Variants in SCT observed in about 807,000 individuals in gnomAD.
SCT encodes prepro-secretin.
SCT carries 17 observed loss-of-function variants against 10.9 expected under a neutral mutation model. The observed-to-expected ratio is 1.55, with a 90% confidence interval of 1.06 to 2.33. The LOEUF (loss-of-function observed/expected upper bound fraction) is 2.33. Among genes scored for constraint, SCT ranks in the 30% most tolerant of loss-of-function variants. The probability of loss-of-function intolerance (pLI) is 0.00; values close to 1 mark genes in which losing one functional copy is unlikely to be tolerated. For synonymous variants in SCT, 96 were observed against 73.9 expected (o/e 1.30, Z -1.54); for missense variants, 230 against 165.9 (o/e 1.39, Z -2.12).
chr11:627,106 A>C lies in SCT; in HGVS notation c.38T>G (p.Leu13Arg). The change falls in exon 1 of 4, where the codon CTC becomes CGC. Residue 13 changes from leucine (L) to arginine (R), a missense_variant. Physicochemically the swap from Leu to Arg is moderately radical, Grantham distance 102 (BLOSUM62 -2). Coordinates refer to ENST00000176195, the MANE Select transcript of SCT (RefSeq NM_021920.4). ...CGCGGGGCGCGCGGCGGAGCCCCCG[A>C]GGAGCAGCAGCAGCAGCAGGAGGGG... ...PRPLLLLLLL[L>R]GGSAARPAPP... 9.5e-7 allele frequency: 1 copy of C among 1,054,108 alleles called. No individual in the cohort carries two copies. Among genetic ancestry groups the C allele is most frequent in the Non-Finnish European group, 1.2e-6 (1 of 860,036 alleles). The allele number at this position is 1,054,108 out of a possible 1,614,324, so 65.3% of individuals were successfully genotyped here.
chr11:626,936 TC>T lies in SCT; in HGVS notation c.124del (p.Glu42ArgfsTer115). On this transcript the variant is annotated frameshift_variant, in exon 2 of 4. Coordinates refer to ENST00000176195, the MANE Select transcript of SCT (RefSeq NM_021920.4). LOFTEE classifies it high-confidence loss of function. ...TFTSELSRLR[E>X]GARLQRLLQG... ...TAGCAGCCGCTGGAGCCGCGCGCCC[TC>T]CCGCAGGCGGCTGAGCTCGCTGGTG... The T allele has an allele frequency of 6.8e-7, 1 of 1,480,330 alleles. No individual in the cohort carries two copies. The allele number at this position is 1,480,330 out of a possible 1,614,324, so 91.7% of individuals were successfully genotyped here.
chr11:626,570 G>A (rs1027756477), intron 3 of SCT, 40 bp from the exon 4 acceptor site: 2 of 1,509,776 alleles, frequency 1.3e-6, no homozygotes, highest in Non-Finnish European at 1.8e-6. Flanking sequence ...GCTGGGGCTG[G>A]AGACCCCGGC....
chr11:626,623 C>T, intron 3 of SCT, 74 bp downstream of exon 3: 1 of 1,479,962 alleles, frequency 6.8e-7, no homozygotes, highest in Non-Finnish European at 9.2e-7. Flanking sequence ...CAGCGCTGAC[C>T]CGGGGAGGCC....
Position 626,997 on chromosome 11 carries a change from CGGTCGGG to C in SCT, c.72-15_72-9del, listed in dbSNP as rs1564906742. ...TCTGAGTGTCGCCGGGCCCTGCGGG[CGGTCGGG>C]GGTCGGGGTCAGGGCGCACTGGGGG... On this transcript the variant is annotated splice_polypyrimidine_tract_variant and intron_variant, in intron 1 of 3. Coordinates refer to ENST00000176195, the MANE Select transcript of SCT (RefSeq NM_021920.4). The C allele has an allele frequency of 3.1e-6, 3 of 954,402 alleles. No homozygotes were observed. In the Admixed American group the frequency reaches 7.3e-5, roughly 23 times the overall value. The allele number at this position is 954,402 out of a possible 1,614,324, so 59.1% of individuals were successfully genotyped here. A position where few individuals can be genotyped will look rare whatever the true frequency, so the allele number is the denominator to read the frequency against.
In SCT at chr11:626,717, G is replaced by T. The variant is rs1289117683; in HGVS notation, c.246C>A (p.Asn82Lys). 6.5e-7 allele frequency: 1 copy of T among 1,550,250 alleles called. No homozygotes were observed. ...CTCACCAGGCCTGCAGGATGGGCAT[G>T]TTGGACCCTGACGGGCAGAGCAGAC... ...SAGLLCPSGS[N>K]MPILQAWMPL... Residue 82 changes from asparagine (N) to lysine (K), a missense_variant, in exon 3 of 4, where the codon AAC (asparagine) becomes AAA (lysine). Physicochemically the swap from Asn to Lys is moderately conservative, Grantham distance 94. Coordinates refer to ENST00000176195, the MANE Select transcript of SCT (RefSeq NM_021920.4).
At chr11:626,836 C>T (rs1316165101) in intron 2 of SCT, 47 bp from the exon 3 acceptor site, 2 of 1,543,662 alleles carry the variant, frequency 1.3e-6, no homozygotes, top group Admixed American at 3.9e-5. Flanking sequence ...TGGGGGGTCG[C>T]GCGTTGCTGC....
chr11:627,025 G>A, intron 1 of SCT, 36 bp from the exon 2 acceptor site: 2 of 1,327,982 alleles, frequency 1.5e-6, no homozygotes. Context: ...AGGGCGCACT[G>A]GGGGCGGGTG....
chr11:627,076 G>GGGGGCGC lies in SCT; in HGVS notation c.61_67dup (p.Pro23ArgfsTer?), dbSNP rs1160165144. 48 of 1,143,454 alleles carry GGGGGCGC rather than the reference G, an allele frequency of 4.2e-5. No homozygotes were observed. The highest frequency in any genetic ancestry group is 3.3e-4 in the East Asian group (8 of 24,574). 70.8% of individuals were successfully genotyped at this position (1,143,454 alleles called of 1,614,324 possible). ...GCGGGCCTGGCGGGCGGCTCACCTG[G>GGGGGCGC]GGGGCGCGGGGCGCGCGGCGGAGCC... is the stretch of plus-strand genomic sequence containing the variant. On this transcript the variant is annotated frameshift_variant, in exon 1 of 4. Transcript: ENST00000176195. LOFTEE classifies it high-confidence loss of function.
At position 626,447 on chromosome 11, in the gene SCT, G is replaced by T. The variant is rs2133230802; in HGVS notation, c.350C>A (p.Thr117Asn). 3 of 1,553,548 alleles carry T rather than the reference G, an allele frequency of 1.9e-6. No homozygotes were observed. Among genetic ancestry groups the T allele is most frequent in the Non-Finnish European group, 2.6e-6 (3 of 1,148,054 alleles). Reference sequence around the variant, plus strand: ...GTTCCTTCCTCATCTGGGCCGCAAGGTTCCTTCTGCAGCAGCGCCAGCTGG... The same window carrying T: ...GTTCCTTCCTCATCTGGGCCGCAAGTTTCCTTCTGCAGCAGCGCCAGCTGG... ...SEPAGAAAEG[T>N]LRPR The change falls in exon 4 of 4, where the codon ACC becomes AAC. Residue 117 changes from threonine (T) to asparagine (N), a missense_variant. By Grantham distance (65) the Thr-to-Asn change is moderately conservative. Coordinates refer to ENST00000176195, the MANE Select transcript of SCT (RefSeq NM_021920.4).
Position 626,364 on chromosome 11 carries a change from C to T in SCT, c.*67G>A, listed in dbSNP as rs1214988351. 4 of 1,222,414 alleles carry T rather than the reference C, an allele frequency of 3.3e-6. No individual in the cohort carries two copies. The highest frequency in any genetic ancestry group is 1.5e-5 in the African/African-American group (1 of 66,314). The allele number at this position is 1,222,414 out of a possible 1,614,324, so 75.7% of individuals were successfully genotyped here. A position where few individuals can be genotyped will look rare whatever the true frequency, so the allele number is the denominator to read the frequency against. On this transcript the variant is annotated 3_prime_UTR_variant, in exon 4 of 4. Coordinates refer to ENST00000176195, the MANE Select transcript of SCT (RefSeq NM_021920.4). Reference sequence around the variant, plus strand: ...AAGTACCACCCCTCCCCCTCTCCCCCATCCTGCCCCCCACCCCAAATGCAG... The same window carrying T: ...AAGTACCACCCCTCCCCCTCTCCCCTATCCTGCCCCCCACCCCAAATGCAG...
chr11:627,084 G>A lies in SCT; in HGVS notation c.60C>T (p.Pro20=), dbSNP rs1857793871. 11 of 1,132,924 alleles carry A rather than the reference G, an allele frequency of 9.7e-6. No homozygotes were observed. Among genetic ancestry groups the A allele is most frequent in the Non-Finnish European group, 1.1e-5 (10 of 920,616 alleles). 70.2% of individuals were successfully genotyped at this position (1,132,924 alleles called of 1,614,324 possible). A position where few individuals can be genotyped will look rare whatever the true frequency, so the allele number is the denominator to read the frequency against. The part of the protein sequence containing the change: ...LLLLGGSAAR[P]APPRARRHSD... ...GGCGGGCGGCTCACCTGGGGGGCGC[G>A]GGGCGCGCGGCGGAGCCCCCGAGGA... Residue 20 remains proline (P), a synonymous_variant, in exon 1 of 4, where the codon CCC becomes CCT. Transcript: ENST00000176195.
chr11:626,574 C>A, intron 3 of SCT, 44 bp from the exon 4 acceptor site: 4 of 1,513,186 alleles, frequency 2.6e-6, no homozygotes, highest in Non-Finnish European at 3.6e-6. Flanking sequence ...GGGCTGGAGA[C>A]CCCGGCCCCG....
In SCT at chr11:627,061, C is replaced by A; in HGVS notation, c.71+12G>T. On this transcript the variant is annotated intron_variant, in intron 1 of 3. Transcript: ENST00000176195. The stretch of plus-strand genomic sequence containing the variant: ...GGGCCCGGGGGGCGGGCGGGCCTGG[C>A]GGGCGGCTCACCTGGGGGGCGCGGG... The A allele has an allele frequency of 8.4e-7, 1 of 1,194,518 alleles. No homozygotes were observed. The highest frequency in any genetic ancestry group is 1.0e-6 in the Non-Finnish European group (1 of 953,520). The allele number at this position is 1,194,518 out of a possible 1,614,324, so 74.0% of individuals were successfully genotyped here.
rs974259563 is a variant in SCT at position 626,743 on chromosome 11, C to T, written c.220G>A (p.Gly74Ser). 6 of 1,550,570 alleles carry T rather than the reference C, an allele frequency of 3.9e-6. No homozygotes were observed. The South Asian group carries it at 7.1e-5, about 18-fold the overall frequency. The change falls in exon 3 of 4, where the codon GGT becomes AGT. Residue 74 changes from glycine to serine, a missense_variant. Physicochemically the swap from Gly to Ser is moderately conservative, Grantham distance 56. Transcript: ENST00000176195. ...NSMAWTRLSA[G>S]LLCPSGSNMP... The stretch of plus-strand genomic sequence containing the variant: ...TTGGACCCTGACGGGCAGAGCAGAC[C>T]CGCGCTGAGCCTGGTCCAGGCCATG...
chr11:626,356 C>G lies in SCT; in HGVS notation c.*75G>C. Reference sequence around the variant, plus strand: ...TTGGTGCCAAGTACCACCCCTCCCCCTCTCCCCCATCCTGCCCCCCACCCC... The same window carrying G: ...TTGGTGCCAAGTACCACCCCTCCCCGTCTCCCCCATCCTGCCCCCCACCCC... On this transcript the variant is annotated 3_prime_UTR_variant, in exon 4 of 4. Coordinates refer to ENST00000176195, the MANE Select transcript of SCT (RefSeq NM_021920.4). 1 of 1,126,010 alleles carries G rather than the reference C, an allele frequency of 8.9e-7. No individual in the cohort carries two copies. The highest frequency in any genetic ancestry group is 1.3e-6 in the Non-Finnish European group (1 of 770,016). The allele number at this position is 1,126,010 out of a possible 1,614,324, so 69.8% of individuals were successfully genotyped here.
In SCT at chr11:627,174, GCGGCCA is replaced by G; in HGVS notation, c.-37_-32del. 9.4e-7 allele frequency: 1 copy of G among 1,067,680 alleles called. No homozygotes were observed. Among genetic ancestry groups the G allele is most frequent in the Non-Finnish European group, 1.1e-6 (1 of 880,326 alleles). 66.1% of individuals were successfully genotyped at this position (1,067,680 alleles called of 1,614,324 possible). A position where few individuals can be genotyped will look rare whatever the true frequency, so the allele number is the denominator to read the frequency against. ...GGTCGGGGCGCAGGAGCTGAGCGCT[GCGGCCA>G]CGGCCCCGGGCCCCCGCAAGGCCCC... On this transcript the variant is annotated 5_prime_UTR_variant, in exon 1 of 4. Coordinates refer to ENST00000176195, the MANE Select transcript of SCT (RefSeq NM_021920.4).
In SCT at chr11:626,534, C is replaced by CAG. The variant is rs1564905927; in HGVS notation, c.267-6_267-5dup. 6.4e-7 allele frequency: 1 copy of CAG among 1,554,500 alleles called. No homozygotes were observed. The stretch of plus-strand genomic sequence containing the variant: ...CCAGGTCCCGTCCAGGGGCATCCTG[C>CAG]AGAGACAGCACGTGAGGGTCTGAGG... On this transcript the variant is annotated splice_region_variant and splice_polypyrimidine_tract_variant and intron_variant, in intron 3 of 3. Coordinates refer to ENST00000176195, the MANE Select transcript of SCT (RefSeq NM_021920.4).
At chr11:626,603 C>A in intron 3 of SCT, 73 bp from the exon 4 acceptor site, 1 of 1,471,380 alleles carries the variant, frequency 6.8e-7, no homozygotes, top group Non-Finnish European at 9.3e-7. Context: ...ATTGGGCCTC[C>A]AGTGGCCACC....
chr11:626,446 G>C lies in SCT; in HGVS notation c.351C>G (p.Thr117=). ...GGTTCCTTCCTCATCTGGGCCGCAA[G>C]GTTCCTTCTGCAGCAGCGCCAGCTG... The part of the protein sequence containing the change: ...SEPAGAAAEG[T]LRPR The change falls in exon 4 of 4, where the codon ACC becomes ACG. Residue 117 remains threonine (T), a synonymous_variant. Coordinates refer to ENST00000176195, the MANE Select transcript of SCT (RefSeq NM_021920.4). 5 of 1,553,444 alleles carry C rather than the reference G, an allele frequency of 3.2e-6. No individual in the cohort carries two copies. Among genetic ancestry groups the C allele is most frequent in the Non-Finnish European group, 4.4e-6 (5 of 1,147,988 alleles).
Sources: allele counts gnomAD v4.1 joint callset, GRCh38; gene constraint gnomAD v4.1.1; transcripts MANE v1.5; gene names NCBI Gene and HGNC (gene_info 2026-07-23, HGNC 2026-07-21).